TFG: variants seen among roughly 807,000 people sequenced by gnomAD.
TFG encodes the protein protein TFG.
In TFG, 22 loss-of-function variants were observed where a neutral mutation model predicts 51.4. The ratio of observed to expected loss-of-function variants is 0.43; its 90% CI spans 0.31 to 0.61. The LOEUF (loss-of-function observed/expected upper bound fraction) is 0.61, where lower values mean the gene tolerates loss of function less well. TFG is among the 20% of genes least tolerant of loss of function. TFG has a pLI of 0.12. For missense variants in TFG, 419 were observed against 487.7 expected (o/e 0.86, Z 1.33); for synonymous variants, 187 against 165.6 (o/e 1.13, Z -0.99).
At position 100,744,819 on chromosome 3, in the gene TFG, G is replaced by A; in HGVS notation, c.722-14G>A. 3.1e-6 allele frequency: 5 copies of A among 1,587,420 alleles called. No individual in the cohort carries two copies. Among genetic ancestry groups the A allele is most frequent in the Non-Finnish European group, 4.3e-6 (5 of 1,156,348 alleles). On this transcript the variant is annotated splice_polypyrimidine_tract_variant and intron_variant, in intron 6 of 7. Coordinates refer to ENST00000240851, the MANE Select transcript of TFG (RefSeq NM_006070.6). Reference sequence around the variant, plus strand: ...ATGCCTTTTTTCCTTGTGTGTGTGTGTGTGTGTTTTCAGGTCAGATGTACC... The same window carrying A: ...ATGCCTTTTTTCCTTGTGTGTGTGTATGTGTGTTTTCAGGTCAGATGTACC...
intron 3 of TFG, among the ~76,000 whole-genome samples, chr3:100,721,627 C>T (rs1337663580): frequency 6.6e-6 from 1 of 152,044 alleles, no homozygotes; most frequent in Non-Finnish European, 1.5e-5. Context: ...CCAGATGTTA[C>T]CATTTTAGAA....
At chr3:100,726,100 A>T (rs1339641125) in intron 3 of TFG, among the ~76,000 whole-genome samples, 1 of 152,172 alleles carries the variant, frequency 6.6e-6, no homozygotes, top group African/African-American at 2.4e-5. Context: ...CCTGAAAACC[A>T]GGGAAGCTGA....
chr3:100,742,840 A>C (rs1020302866), intron 6 of TFG: 5 of 151,928 alleles, frequency 3.3e-5, no homozygotes, highest in Non-Finnish European at 7.4e-5. Context: ...GAAATTTTTA[A>C]CTCTAGGGAT....
chr3:100,727,175 A>G (rs1219127328), intron 3 of TFG, among the ~76,000 whole-genome samples: 1 of 152,178 alleles, frequency 6.6e-6, no homozygotes, highest in Non-Finnish European at 1.5e-5. Context: ...ACCACAGCCT[A>G]CCTGTGAGTG....
intron 5 of TFG, among the ~76,000 whole-genome samples, chr3:100,735,895 C>T (rs1280302575): frequency 6.6e-6 from 1 of 152,020 alleles, no homozygotes. Flanking sequence ...TTCAGAAATG[C>T]AAAGTAGAAG....
chr3:100,715,592 C>G (rs1230528679), intron 2 of TFG, among the ~76,000 whole-genome samples: 1 of 152,122 alleles, frequency 6.6e-6, no homozygotes, highest in Non-Finnish European at 1.5e-5. Context: ...TAAGAATACC[C>G]AAAACAAATT....
Position 100,748,336 on chromosome 3 carries a change from T to C in TFG, c.1008T>C (p.Pro336=), listed in dbSNP as rs1042819882. 4 of 1,614,002 alleles carry C rather than the reference T, an allele frequency of 2.5e-6. No homozygotes were observed. The African/African-American group carries it at 5.3e-5, about 22-fold the overall frequency. ...AQTYTAQTSQ[P]TNYTVAPASQ... Reference sequence around the variant, plus strand: ...CTTACACTGCCCAAACTTCTCAGCCTACTAATTATACTGTGGCTCCTGCCT... The same window carrying C: ...CTTACACTGCCCAAACTTCTCAGCCCACTAATTATACTGTGGCTCCTGCCT... The change falls in exon 8 of 8, where the codon CCT becomes CCC. Residue 336 remains proline, a synonymous_variant. Transcript: ENST00000240851.
At chr3:100,731,763 G>T (rs1215068587) in intron 4 of TFG, among the ~76,000 whole-genome samples, 2 of 152,108 alleles carry the variant, frequency 1.3e-5, no homozygotes, top group African/African-American at 4.8e-5. Flanking sequence ...TGCCAGGCTG[G>T]TCTCGAGCTC....
intron 3 of TFG, among the ~76,000 whole-genome samples, chr3:100,724,343 T>C (rs2095069066): frequency 6.6e-6 from 1 of 152,158 alleles, no homozygotes; most frequent in Non-Finnish European, 1.5e-5. Context: ...AAATAAGCAA[T>C]GTTAGAAATG....
At chr3:100,740,628 T>C (rs1322870540) in intron 6 of TFG, among the ~76,000 whole-genome samples, 1 of 152,148 alleles carries the variant, frequency 6.6e-6, no homozygotes, top group Admixed American at 6.6e-5. Flanking sequence ...CTTTCTAATT[T>C]CTAAGAATAT....
intron 4 of TFG, among the ~76,000 whole-genome samples, chr3:100,731,105 A>G (rs1044051862): frequency 6.6e-6 from 1 of 152,218 alleles, no homozygotes; most frequent in Admixed American, 6.5e-5. Context: ...TCGGTTTAGC[A>G]CTTAACATTT....
chr3:100,735,462 C>T (rs2095103859), intron 5 of TFG, among the ~76,000 whole-genome samples: 1 of 152,170 alleles, frequency 6.6e-6, no homozygotes, highest in Admixed American at 6.6e-5. Flanking sequence ...ATAATCCTCA[C>T]AATAACCTTA....
At chr3:100,714,904 TATA>T (rs1308615311) in intron 2 of TFG, among the ~76,000 whole-genome samples, 1 of 152,224 alleles carries the variant, frequency 6.6e-6, no homozygotes, top group Non-Finnish European at 1.5e-5. Context: ...TGAGTAGAAT[TATA>T]GTAGTAGACT....
chr3:100,741,298 C>T (rs2095120520), intron 6 of TFG, among the ~76,000 whole-genome samples: 1 of 151,952 alleles, frequency 6.6e-6, no homozygotes, highest in Non-Finnish European at 1.5e-5. Context: ...TCCAGTGGGA[C>T]AGGATATGGA....
intron 2 of TFG, among the ~76,000 whole-genome samples, chr3:100,714,359 G>T (rs1397063626): frequency 6.6e-6 from 1 of 152,086 alleles, no homozygotes; most frequent in Non-Finnish European, 1.5e-5. Flanking sequence ...AAATTAGCTG[G>T]GCGTGGTGGT....
chr3:100,738,097 A>G (rs2095111620), intron 6 of TFG, among the ~76,000 whole-genome samples: 1 of 147,038 alleles, frequency 6.8e-6, no homozygotes, highest in Non-Finnish European at 1.5e-5. Flanking sequence ...AAAAAAAAAA[A>G]ATCCACAGAG....
intron 3 of TFG, 117 bp from the exon 4 acceptor site, chr3:100,728,595 A>C: frequency 3.7e-6 from 3 of 820,878 alleles, no homozygotes; most frequent in Non-Finnish European, 1.8e-6. Context: ...ACTCCATTAC[A>C]TTGATATCTT....
At chr3:100,709,857 G>C (rs1157036235) in intron 1 of TFG, 136 bp downstream of exon 1, 3 of 129,368 alleles carry the variant, frequency 2.3e-5, no homozygotes, top group African/African-American at 8.8e-5. Flanking sequence ...GGAGGGAGGA[G>C]GGGGTGGGAG....
chr3:100,713,906 T>A (rs1484382238), intron 2 of TFG, 37 bp downstream of exon 2: 1 of 1,272,450 alleles, frequency 7.9e-7, no homozygotes, highest in Non-Finnish European at 1.1e-6. Context: ...TAAAGTCTTT[T>A]TAAAAAAAAA....
Sources: gnomAD v4.1 joint callset for allele counts (sites outside exome capture counted in the v4.1 genomes callset) on GRCh38, gnomAD v4.1.1 for gene constraint, MANE v1.5 for transcripts, NCBI Gene and HGNC (gene_info 2026-07-23, HGNC 2026-07-21) for gene names.